The following AK9 variants were observed in gnomAD, a reference collection of about 807,000 sequenced individuals.
The protein encoded by AK9 is adenylate kinase domain containing 1.
AK9 carries 191 observed loss-of-function variants against 239.6 expected under a neutral mutation model. That is an observed-to-expected ratio of 0.80 (90% CI 0.71 to 0.90). The LOEUF is 0.90. AK9 is among the 40% of genes least tolerant of loss of function. The pLI is 0.00. For missense variants in AK9, 1,995 were observed against 2,214.7 expected, an observed-to-expected ratio of 0.90 and a Z score of 1.99; for synonymous variants, 689 against 721.0, an observed-to-expected ratio of 0.96 and a Z score of 0.71.
chr6:109,590,983 G>T (rs982828818), intron 17 of AK9, among the ~76,000 whole-genome samples: 1 of 152,178 alleles, frequency 6.6e-6, no homozygotes, highest in Admixed American at 6.5e-5. Context: ...TGAGAAGAAT[G>T]AATATTCTAC....
intron 12 of AK9, among the ~76,000 whole-genome samples, chr6:109,629,824 G>A (rs1248871209): frequency 5.3e-5 from 8 of 151,908 alleles, no homozygotes; most frequent in Admixed American, 6.6e-5. Flanking sequence ...TAGTAGAGAC[G>A]GGGTTTCACC....
chr6:109,553,654 C>T (rs2128168901), intron 24 of AK9, among the ~76,000 whole-genome samples: 1 of 152,260 alleles, frequency 6.6e-6, no homozygotes, highest in Admixed American at 6.5e-5. Context: ...CAAGCAGAGA[C>T]AACTTGACTT....
chr6:109,604,375 T>G (rs1792555177), intron 17 of AK9, among the ~76,000 whole-genome samples: 1 of 152,246 alleles, frequency 6.6e-6, no homozygotes, highest in African/African-American at 2.4e-5. Context: ...ATATCATTTT[T>G]ACGTTTAACT....
At position 109,497,360 on chromosome 6, in the gene AK9, ACACTCTCTCT is replaced by A. The variant is rs1157069347; in HGVS notation, c.5315+95_5315+104del. ...CACACACACACACACACACACACAC[ACACTCTCTCT>A]CTCTCTCTCTCTCTCACACACTCCT... On this transcript the variant is annotated intron_variant, in intron 38 of 40. Transcript: ENST00000424296. 1.1e-5 allele frequency: 6 copies of A among 552,770 alleles called. No homozygotes were observed. In the African/African-American group the frequency reaches 1.2e-4, roughly 11 times the overall value. 34.2% of individuals were successfully genotyped at this position (552,770 alleles called of 1,614,324 possible).
At chr6:109,594,946 T>C (rs1430759034) in intron 17 of AK9, among the ~76,000 whole-genome samples, 2 of 152,200 alleles carry the variant, frequency 1.3e-5, no homozygotes, top group Non-Finnish European at 2.9e-5. Flanking sequence ...GACATAGGCA[T>C]GCACAAAGAC....
intron 17 of AK9, among the ~76,000 whole-genome samples, chr6:109,594,456 C>T (rs1455259200): frequency 1.3e-5 from 2 of 152,140 alleles, no homozygotes; most frequent in East Asian, 3.8e-4. Context: ...TTTATAGATT[C>T]AATGCTATCC....
At chr6:109,667,949 C>T (rs1801480645) in intron 5 of AK9, among the ~76,000 whole-genome samples, 2 of 152,188 alleles carry the variant, frequency 1.3e-5, no homozygotes, top group Non-Finnish European at 2.9e-5. Flanking sequence ...AATGATATTT[C>T]TAGTTCTAGA....
rs933372407 is a variant in AK9 at position 109,660,706 on chromosome 6, TAATGA to T, written c.445-1298_445-1294del. ...CCCGTTCTCATTTGCAGGAAATGAC[TAATGA>T]AAGTGTGAGTCTGAAGGATATAACT... On this transcript the variant is annotated intron_variant, in intron 6 of 40. Coordinates refer to ENST00000424296, the MANE Select transcript of AK9 (RefSeq NM_001145128.3). Among the ~76,000 whole-genome samples, 10 of 152,320 alleles carry T rather than the reference TAATGA, an allele frequency of 6.6e-5. No homozygotes were observed. The South Asian group carries it at 2.1e-3, about 32-fold the overall frequency.
intron 27 of AK9, among the ~76,000 whole-genome samples, chr6:109,535,321 CATT>C (rs1393616233): frequency 4.6e-5 from 7 of 152,192 alleles, no homozygotes; most frequent in Non-Finnish European, 7.3e-5. Context: ...GATGGTAACT[CATT>C]GTTGTTTTGA....
chr6:109,582,007 A>G (rs1788924014), intron 19 of AK9, among the ~76,000 whole-genome samples: 1 of 152,226 alleles, frequency 6.6e-6, no homozygotes, highest in Non-Finnish European at 1.5e-5. Context: ...CAAATAGAAC[A>G]AAGCCTAGAT....
At chr6:109,599,812 T>C (rs537626095) in intron 17 of AK9, among the ~76,000 whole-genome samples, 1 of 152,302 alleles carries the variant, frequency 6.6e-6, no homozygotes, top group Non-Finnish European at 1.5e-5. Context: ...GTTGGATTCC[T>C]AGGTATTTTA....
chr6:109,558,214 T>A lies in AK9; in HGVS notation c.2751+5383A>T, dbSNP rs568692369. Among the ~76,000 whole-genome samples the A allele has an allele frequency of 6.6e-5, 10 of 152,284 alleles. No individual in the cohort carries two copies. The East Asian group carries it at 9.6e-4, about 15-fold the overall frequency. ...TTCATTCTCTTAATAGTGTTTTTTTTAAAATAGTTTAGTTCTTACTTTTGA... is the reference window on the plus strand; with the variant it reads ...TTCATTCTCTTAATAGTGTTTTTTTAAAAATAGTTTAGTTCTTACTTTTGA... On this transcript the variant is annotated intron_variant, in intron 24 of 40. Coordinates refer to ENST00000424296, the MANE Select transcript of AK9 (RefSeq NM_001145128.3).
At position 109,684,873 on chromosome 6, in the gene AK9, C is replaced by CAAAAAAA. The variant is rs60500211; in HGVS notation, c.-12+6267_-12+6273dup. On this transcript the variant is annotated intron_variant, in intron 1 of 40. Coordinates refer to ENST00000424296, the MANE Select transcript of AK9 (RefSeq NM_001145128.3). Reference sequence around the variant, plus strand: ...TGGGCGACAGAGTGAGACTCCGTCTCAAAAAAAAAAAAAAAAAAAAAAAAA... The same window carrying CAAAAAAA: ...TGGGCGACAGAGTGAGACTCCGTCTCAAAAAAAAAAAAAAAAAAAAAAAAAAAAAAAA... Among the ~76,000 whole-genome samples, 22 of 21,870 alleles carry CAAAAAAA rather than the reference C, an allele frequency of 1.0e-3. 3 individuals are homozygous for CAAAAAAA. The highest frequency in any genetic ancestry group is 1.4e-3 in the Non-Finnish European group (18 of 12,500). The allele number at this position is 21,870 out of a possible 152,430, so 14.3% of individuals were successfully genotyped here.
At chr6:109,524,506 T>C (rs1014419723) in intron 29 of AK9, among the ~76,000 whole-genome samples, 6 of 152,160 alleles carry the variant, frequency 3.9e-5, no homozygotes, top group Admixed American at 1.3e-4. Flanking sequence ...AAATGATATG[T>C]AGGTACACCA....
rs200483244 is a variant in AK9, at chr6:109,633,286, A to G, written c.971T>C (p.Ile324Thr). Reference protein sequence around the residue: ...LFRTLASYKLIAPRYRWQRSK... With the variant: ...LFRTLASYKLTAPRYRWQRSK... ...TCTTTGCCATCTGTATCTTGGTGCA[A>G]TAAGTTTATAAGATGCAAGAGTACG... is the stretch of plus-strand genomic sequence containing the variant. Residue 324 changes from isoleucine (I) to threonine (T), a missense_variant, in exon 11 of 41, where the codon ATT becomes ACT. By Grantham distance (89) the Ile-to-Thr change is moderately conservative (BLOSUM62 -1). Coordinates refer to ENST00000424296, the MANE Select transcript of AK9 (RefSeq NM_001145128.3). 8 of 1,607,048 alleles carry G rather than the reference A, an allele frequency of 5.0e-6. No homozygotes were observed. The highest frequency in any genetic ancestry group is 1.7e-4 in the Middle Eastern group (1 of 5,980).
At chr6:109,607,920 G>A (rs1055952547) in intron 17 of AK9, among the ~76,000 whole-genome samples, 74 of 151,888 alleles carry the variant, frequency 4.9e-4, no homozygotes, top group African/African-American at 1.7e-3. Flanking sequence ...AGAGAAGGAC[G>A]CAATGACAGG....
rs796331643 is a variant in AK9, at chr6:109,678,654, C to T, written c.-11-2898G>A. 1.3e-4 allele frequency among the ~76,000 whole-genome samples: 20 copies of T among 151,948 alleles called. 1 individual carries two copies. Among genetic ancestry groups the T allele is most frequent in the African/African-American group, 2.9e-4 (12 of 41,416 alleles). ...TGCCGCCCCCCAAAAAAGATTAATG[C>T]GGGAGGCTGGCAAGATAGCTGAATA... On this transcript the variant is annotated intron_variant, in intron 1 of 40. Transcript: ENST00000424296.
At chr6:109,662,526 C>G (rs898431141) in intron 6 of AK9, 25 bp downstream of exon 6, 2 of 1,470,716 alleles carry the variant, frequency 1.4e-6, no homozygotes, top group African/African-American at 2.9e-5. Flanking sequence ...GTTTACTCTA[C>G]TAGCAAAACA....
At chr6:109,648,633 T>A (rs773655720) in intron 8 of AK9, among the ~76,000 whole-genome samples, 1 of 152,160 alleles carries the variant, frequency 6.6e-6, no homozygotes, top group Non-Finnish European at 1.5e-5. Context: ...CAGGACCAGA[T>A]GGATTCACAG....
Sources: gnomAD v4.1 joint callset for allele counts (sites outside exome capture counted in the v4.1 genomes callset) on GRCh38, gnomAD v4.1.1 for gene constraint, MANE v1.5 for transcripts, NCBI Gene and HGNC (gene_info 2026-07-23, HGNC 2026-07-21) for gene names.